Variants in ARL15 observed in about 807,000 individuals in gnomAD.
ARL15 encodes the protein ARF like GTPase 15, also known as ADP-ribosylation factor-like protein 15.
Under a neutral mutation model 25.2 loss-of-function variants are expected in ARL15, and 19 were observed. The ratio of observed to expected loss-of-function variants is 0.75; its 90% CI spans 0.53 to 1.10. The LOEUF (loss-of-function observed/expected upper bound fraction) is 1.10, where lower values mean the gene tolerates loss of function less well. ARL15 is among the 50% of genes least tolerant of loss of function. The pLI is 0.00. For synonymous variants in ARL15, 94 were observed against 86.8 expected (o/e 1.08, Z -0.46); for missense variants, 220 against 246.0 (o/e 0.89, Z 0.71).
At chr5:53,933,252 C>G (rs550021020) in intron 4 of ARL15, among the ~76,000 whole-genome samples, 1 of 151,990 alleles carries the variant, frequency 6.6e-6, no homozygotes, top group Non-Finnish European at 1.5e-5. Context: ...TTAATCAAAT[C>G]TAGAAGGAAA....
chr5:54,289,859 G>A (rs1282536509), intron 1 of ARL15, among the ~76,000 whole-genome samples: 1 of 152,204 alleles, frequency 6.6e-6, no homozygotes, highest in Admixed American at 6.5e-5. Flanking sequence ...GACATATAAT[G>A]TATATTTTAA....
intron 4 of ARL15, among the ~76,000 whole-genome samples, chr5:54,097,330 C>T (rs1171218329): frequency 1.3e-5 from 2 of 151,978 alleles, no homozygotes; most frequent in African/African-American, 4.8e-5. Flanking sequence ...AACAAACAAA[C>T]AAACAAAAAA....
intron 4 of ARL15, among the ~76,000 whole-genome samples, chr5:53,977,595 G>T (rs1046020825): frequency 3.9e-5 from 6 of 152,142 alleles, no homozygotes; most frequent in Non-Finnish European, 5.9e-5. Flanking sequence ...TTAAGTCCAT[G>T]CAATTTTGCC....
At position 54,040,869 on chromosome 5, in the gene ARL15, A is replaced by C. The variant is rs10042258; in HGVS notation, c.462+72333T>G. Reference sequence around the variant, plus strand: ...TTATCAAATATTGTTCAGCTCCCATAATGAAGAAGGCTAACATTAAGGATC... The same window carrying C: ...TTATCAAATATTGTTCAGCTCCCATCATGAAGAAGGCTAACATTAAGGATC... On this transcript the variant is annotated intron_variant, in intron 4 of 4. Coordinates refer to ENST00000504924, the MANE Select transcript of ARL15 (RefSeq NM_019087.3). Among the ~76,000 whole-genome samples the C allele has an allele frequency of 8.5e-3, 1,294 of 152,322 alleles. 25 individuals carry two copies. The highest frequency in any genetic ancestry group is 0.03 in the African/African-American group (1,236 of 41,554).
intron 4 of ARL15, among the ~76,000 whole-genome samples, chr5:54,084,567 T>C (rs1056666149): frequency 6.6e-6 from 1 of 152,182 alleles, no homozygotes; most frequent in Non-Finnish European, 1.5e-5. Flanking sequence ...GGAGAAGCTG[T>C]AAGACTGCCA....
intron 4 of ARL15, among the ~76,000 whole-genome samples, chr5:53,971,754 G>A (rs1747758099): frequency 6.6e-6 from 1 of 152,166 alleles, no homozygotes; most frequent in Non-Finnish European, 1.5e-5. Context: ...ATCTGATGCT[G>A]AGAGGCCAGA....
intron 4 of ARL15, among the ~76,000 whole-genome samples, chr5:54,098,515 G>A (rs1330229039): frequency 6.6e-6 from 1 of 152,042 alleles, no homozygotes; most frequent in Middle Eastern, 3.2e-3. Context: ...TCCCAAAGGA[G>A]AGCTATACTT....
At position 54,268,736 on chromosome 5, in the gene ARL15, A is replaced by C. The variant is rs558438575; in HGVS notation, c.48+41696T>G. Among the ~76,000 whole-genome samples the C allele has an allele frequency of 1.6e-3, 240 of 152,328 alleles. 2 individuals are homozygous for C. The highest frequency in any genetic ancestry group is 5.5e-3 in the African/African-American group (230 of 41,566). On this transcript the variant is annotated intron_variant, in intron 1 of 4. Transcript: ENST00000504924. Reference sequence around the variant, plus strand: ...CCATTACTGGGTATATACCCAAAGGACTATAAATCATGCTGCTATAAAGAC... The same window carrying C: ...CCATTACTGGGTATATACCCAAAGGCCTATAAATCATGCTGCTATAAAGAC...
intron 4 of ARL15, among the ~76,000 whole-genome samples, chr5:54,094,693 A>C (rs974001371): frequency 6.6e-6 from 1 of 152,174 alleles, no homozygotes. Context: ...AAAACTACCC[A>C]CTTGGAATGC....
chr5:53,956,361 C>T (rs985379444), intron 4 of ARL15, among the ~76,000 whole-genome samples: 1 of 151,178 alleles, frequency 6.6e-6, no homozygotes, highest in Non-Finnish European at 1.5e-5. Context: ...TACCATATTA[C>T]AAAAGTCAAA....
intron 4 of ARL15, among the ~76,000 whole-genome samples, chr5:53,969,571 TGA>T (rs1361029600): frequency 6.6e-6 from 1 of 152,222 alleles, no homozygotes; most frequent in Admixed American, 6.5e-5. Context: ...TTCTGGTGAA[TGA>T]GAGAGAATTA....
intron 4 of ARL15, among the ~76,000 whole-genome samples, chr5:54,040,867 A>T (rs1390584200): frequency 7.2e-5 from 11 of 152,238 alleles, no homozygotes. Flanking sequence ...TTCAGCTCCC[A>T]TAATGAAGAA....
At position 54,132,798 on chromosome 5, in the gene ARL15, A is replaced by C. The variant is rs187401122; in HGVS notation, c.254-19388T>G. Among the ~76,000 whole-genome samples the C allele has an allele frequency of 2.9e-3, 441 of 152,298 alleles. 2 individuals carry two copies. Among genetic ancestry groups the C allele is most frequent in the African/African-American group, 0.01 (425 of 41,564 alleles). ...TGGTGCTGGTGGGAGTGTAGCAGTG[A>C]GAACGACCAGAGGTCACTCTCATTG... On this transcript the variant is annotated intron_variant, in intron 3 of 4. Transcript: ENST00000504924.
chr5:53,974,769 G>T (rs1747875688), intron 4 of ARL15, among the ~76,000 whole-genome samples: 1 of 152,148 alleles, frequency 6.6e-6, no homozygotes, highest in Admixed American at 6.5e-5. Context: ...AGAATTTGAG[G>T]CAACTCTAAT....
intron 4 of ARL15, among the ~76,000 whole-genome samples, chr5:53,950,248 G>C (rs1429035409): frequency 7.0e-6 from 1 of 142,034 alleles, no homozygotes; most frequent in Admixed American, 6.9e-5. Context: ...GGGCAACACA[G>C]TAAAACCTCG....
intron 1 of ARL15, among the ~76,000 whole-genome samples, chr5:54,192,711 A>G (rs527331809): frequency 6.6e-6 from 1 of 152,206 alleles, no homozygotes; most frequent in Middle Eastern, 3.4e-3. Context: ...CTTTACAAGA[A>G]GACACAAGAG....
At chr5:54,110,091 G>A (rs1752696289) in intron 4 of ARL15, among the ~76,000 whole-genome samples, 1 of 151,888 alleles carries the variant, frequency 6.6e-6, no homozygotes, top group Non-Finnish European at 1.5e-5. Context: ...CTTTTGAAAG[G>A]GCAAGAAAAT....
chr5:54,179,425 G>A (rs772793883), intron 1 of ARL15, among the ~76,000 whole-genome samples: 13 of 152,106 alleles, frequency 8.5e-5, no homozygotes, highest in Non-Finnish European at 1.5e-4. Context: ...GCAAAGGAAG[G>A]CGAAGATACA....
chr5:54,015,145 C>T (rs1163299158), intron 4 of ARL15, among the ~76,000 whole-genome samples: 1 of 151,628 alleles, frequency 6.6e-6, no homozygotes, highest in Non-Finnish European at 1.5e-5. Flanking sequence ...ATACAAAAAA[C>T]TAGCCAGGCA....
Sources: allele counts gnomAD v4.1 joint callset (sites outside exome capture counted in the v4.1 genomes callset), GRCh38; gene constraint gnomAD v4.1.1; transcripts MANE v1.5; gene names NCBI Gene and HGNC (gene_info 2026-07-23, HGNC 2026-07-21).